Variants in SMC6 observed in about 807,000 individuals in gnomAD.
The protein encoded by SMC6 is structural maintenance of chromosomes 6.
In SMC6, 79 loss-of-function variants were observed where a neutral mutation model predicts 142.2. The ratio of observed to expected loss-of-function variants is 0.56; its 90% CI spans 0.46 to 0.67. The LOEUF (loss-of-function observed/expected upper bound fraction) is 0.67. SMC6 is among the 30% of genes least tolerant of loss of function. The probability of loss-of-function intolerance (pLI) is 0.00; values close to 1 mark genes in which losing one functional copy is unlikely to be tolerated. For synonymous variants in SMC6, 411 were observed against 412.4 expected (o/e 1.00, Z 0.04); for missense variants, 1,072 against 1,284.0 (o/e 0.83, Z 2.52).
At chr2:17,712,906 A>T (rs898297438) in intron 16 of SMC6, among the ~76,000 whole-genome samples, 1 of 152,228 alleles carries the variant, frequency 6.6e-6, no homozygotes, top group Admixed American at 6.5e-5. Context: ...CACAACTCCA[A>T]CAACTTGTGT....
intron 23 of SMC6, among the ~76,000 whole-genome samples, chr2:17,692,475 A>G (rs1307709330): frequency 6.6e-6 from 1 of 152,194 alleles, no homozygotes; most frequent in Non-Finnish European, 1.5e-5. Flanking sequence ...CTATTTAATA[A>G]ATGGTGCTGG....
chr2:17,670,698 GTGATTTGGAA>G (rs1666714431), intron 25 of SMC6, 123 bp from the exon 26 acceptor site: 1 of 1,020,926 alleles, frequency 9.8e-7, no homozygotes, highest in Non-Finnish European at 1.4e-6. Flanking sequence ...AAATGACTTA[GTGATTTGGAA>G]ATACCCATTC....
intron 4 of SMC6, among the ~76,000 whole-genome samples, chr2:17,741,285 A>G (rs564198789): frequency 9.2e-5 from 14 of 152,318 alleles, no homozygotes; most frequent in African/African-American, 3.4e-4. Context: ...GTGCTCTTAC[A>G]ATGTTTAGTA....
chr2:17,717,947 T>G (rs113070853), intron 12 of SMC6, 130 bp downstream of exon 12: 3 of 903,032 alleles, frequency 3.3e-6, no homozygotes, highest in Admixed American at 3.0e-5. Context: ...GATGGCGCCA[T>G]AGCACTCCAG....
chr2:17,695,484 G>GA (rs1667946212), intron 22 of SMC6, among the ~76,000 whole-genome samples, 187 bp from the exon 23 acceptor site: 2 of 152,072 alleles, frequency 1.3e-5, no homozygotes, highest in Admixed American at 6.6e-5. Context: ...CCAGAGTAAT[G>GA]ACCTCAAGAG....
At chr2:17,707,405 T>C in intron 17 of SMC6, 26 bp from the exon 18 acceptor site, 1 of 1,396,348 alleles carries the variant, frequency 7.2e-7, no homozygotes, top group Non-Finnish European at 9.4e-7. Context: ...AAAATAAATT[T>C]TTTAAGACGA....
rs1016736875 is a variant in SMC6, at chr2:17,733,799, TACTC to T, written c.345-1926_345-1923del. Reference sequence around the variant, plus strand: ...GGCAGGCTAATAAAAAGACATAACATACTCACAGATACTGGCAGTGAACCAGAGG... The same window carrying T: ...GGCAGGCTAATAAAAAGACATAACATACAGATACTGGCAGTGAACCAGAGG... On this transcript the variant is annotated intron_variant, in intron 5 of 27. Coordinates refer to ENST00000448223, the MANE Select transcript of SMC6 (RefSeq NM_001142286.2). Among the ~76,000 whole-genome samples the T allele has an allele frequency of 8.5e-5, 13 of 152,232 alleles. 1 individual carries two copies. The highest frequency in any genetic ancestry group is 5.9e-4 in the Admixed American group (9 of 15,304).
At chr2:17,751,487 GA>G (rs1249786290) in intron 2 of SMC6, among the ~76,000 whole-genome samples, 1 of 150,438 alleles carries the variant, frequency 6.6e-6, no homozygotes, top group Admixed American at 6.6e-5. Flanking sequence ...AAAAAAAGAG[GA>G]AAAAAAAGAA....
At chr2:17,738,366 G>T in intron 4 of SMC6, 40 bp from the exon 5 acceptor site, 1 of 1,440,598 alleles carries the variant, frequency 6.9e-7, no homozygotes. Flanking sequence ...TTCATTAAAA[G>T]AAAAAGGAAA....
chr2:17,689,018 A>G (rs1667582925), intron 23 of SMC6, among the ~76,000 whole-genome samples: 1 of 152,232 alleles, frequency 6.6e-6, no homozygotes, highest in African/African-American at 2.4e-5. Context: ...GGATACTGGC[A>G]GGGTTGCAAA....
intron 9 of SMC6, among the ~76,000 whole-genome samples, chr2:17,721,906 G>A (rs1320234779): frequency 1.3e-5 from 2 of 152,000 alleles, no homozygotes; most frequent in Non-Finnish European, 2.9e-5. Context: ...ATGTTAGCCA[G>A]GAACTGAGTT....
At position 17,714,898 on chromosome 2, in the gene SMC6, A is replaced by C; in HGVS notation, c.1693T>G (p.Ser565Ala). The change falls in exon 16 of 28, where the codon TCT (serine) becomes GCT (alanine). Residue 565 changes from serine to alanine, a missense_variant. Ser to Ala is a moderately conservative substitution (Grantham distance 99, BLOSUM62 1). Around this residue, in one of 3 missense-constraint regions of SMC6, gnomAD observed 994 missense variants for 1,153.2 expected, o/e 0.86. Coordinates refer to ENST00000448223, the MANE Select transcript of SMC6 (RefSeq NM_001142286.2). ...TCATATATCTCATTCCGAAACTCAG[A>C]AACTATTATCGGTGGCCGTGAGGTC... ...PGTSRPPIIV[S>A]EFRNEIYDVR... The C allele has an allele frequency of 6.2e-7, 1 of 1,613,058 alleles. No homozygotes were observed. The highest frequency in any genetic ancestry group is 8.5e-7 in the Non-Finnish European group (1 of 1,179,736).
chr2:17,745,581 T>G (rs1181418471), intron 3 of SMC6, among the ~76,000 whole-genome samples: 1 of 152,204 alleles, frequency 6.6e-6, no homozygotes, highest in African/African-American at 2.4e-5. Flanking sequence ...TTTCTCTTTT[T>G]GCATTTCTTG....
intron 11 of SMC6, among the ~76,000 whole-genome samples, chr2:17,718,606 A>G (rs902323320): frequency 6.6e-6 from 1 of 152,232 alleles, no homozygotes; most frequent in Non-Finnish European, 1.5e-5. Context: ...TTGGCCAGAA[A>G]AAGTCAGGAA....
chr2:17,751,210 T>C (rs752503128), intron 2 of SMC6, among the ~76,000 whole-genome samples: 82 of 151,924 alleles, frequency 5.4e-4, no homozygotes, highest in Non-Finnish European at 9.1e-4. Flanking sequence ...CTGGGCTCAG[T>C]AGCTCACGCC....
intron 1 of SMC6, among the ~76,000 whole-genome samples, chr2:17,753,284 C>T (rs1231357420): frequency 1.5e-5 from 1 of 67,810 alleles, no homozygotes; most frequent in Admixed American, 1.2e-4. Context: ...CCCCAGACCT[C>T]TCCCCGCTTT....
chr2:17,746,239 T>A (rs1670740708), intron 2 of SMC6: 1 of 253,516 alleles, frequency 3.9e-6, no homozygotes, highest in African/African-American at 2.2e-5. Flanking sequence ...GGACTTCTAA[T>A]CCACAGAAGC....
At chr2:17,669,326 T>G (rs1165727425) in intron 26 of SMC6, among the ~76,000 whole-genome samples, 1 of 152,206 alleles carries the variant, frequency 6.6e-6, no homozygotes, top group East Asian at 1.9e-4. Flanking sequence ...GTAGGGCATC[T>G]GGGTCTAGAG....
chr2:17,745,373 T>C (rs919344242), intron 3 of SMC6, among the ~76,000 whole-genome samples: 2 of 152,192 alleles, frequency 1.3e-5, no homozygotes, highest in African/African-American at 4.8e-5. Context: ...ATCTCCTTAG[T>C]AGTTATAGGG....
Sources: allele counts gnomAD v4.1 joint callset (sites outside exome capture counted in the v4.1 genomes callset), GRCh38; gene constraint gnomAD v4.1.1; regional missense constraint gnomAD v4.1.1; transcripts MANE v1.5; gene names NCBI Gene and HGNC (gene_info 2026-07-23, HGNC 2026-07-21).